The following SND1 variants were observed in gnomAD, a reference collection of about 807,000 sequenced individuals.
SND1 encodes the protein staphylococcal nuclease and tudor domain containing 1.
SND1 carries 38 observed loss-of-function variants against 121.7 expected under a neutral mutation model. The observed-to-expected ratio is 0.31, with a 90% confidence interval of 0.24 to 0.41. The LOEUF is 0.41. SND1 is among the 10% of genes least tolerant of loss of function. The probability of loss-of-function intolerance (pLI) is 1.00; values close to 1 mark genes in which losing one functional copy is unlikely to be tolerated. For synonymous variants in SND1, 401 were observed against 447.4 expected, an observed-to-expected ratio of 0.90 and a Z score of 1.31; for missense variants, 868 against 1,184.6, an observed-to-expected ratio of 0.73 and a Z score of 3.92.
intron 15 of SND1, among the ~76,000 whole-genome samples, chr7:127,978,046 A>G (rs1461199462): frequency 6.6e-6 from 1 of 152,092 alleles, no homozygotes; most frequent in Non-Finnish European, 1.5e-5. Context: ...ATGTTTGGCA[A>G]TTGGGTATAG....
At chr7:127,961,186 T>C (rs1199175517) in intron 15 of SND1, among the ~76,000 whole-genome samples, 1 of 152,250 alleles carries the variant, frequency 6.6e-6, no homozygotes, top group Non-Finnish European at 1.5e-5. Context: ...GTATAAATAA[T>C]GTAAAATATA....
chr7:127,903,056 G>T (rs1003803301), intron 13 of SND1, among the ~76,000 whole-genome samples: 7 of 151,962 alleles, frequency 4.6e-5, no homozygotes, highest in Non-Finnish European at 1.0e-4. Context: ...TAATTTTTTT[G>T]TATTTTTAGT....
In SND1 at chr7:127,652,372, A is replaced by G. The variant is rs759008424; in HGVS notation, c.-2A>G. ...CCACTCGTTGCCTTTGCATCTCCACACATGGCGTCCTCCGCGCAGAGCGGC... is the reference window on the plus strand; with the variant it reads ...CCACTCGTTGCCTTTGCATCTCCACGCATGGCGTCCTCCGCGCAGAGCGGC... On this transcript the variant is annotated 5_prime_UTR_variant, in exon 1 of 24. Transcript: ENST00000354725. 5 of 1,573,910 alleles carry G rather than the reference A, an allele frequency of 3.2e-6. No individual in the cohort carries two copies. Among genetic ancestry groups the G allele is most frequent in the Non-Finnish European group, 4.3e-6 (5 of 1,154,330 alleles).
At chr7:127,689,815 A>T (rs1186728726) in intron 2 of SND1, among the ~76,000 whole-genome samples, 1 of 151,768 alleles carries the variant, frequency 6.6e-6, no homozygotes, top group East Asian at 1.9e-4. Context: ...ATGTCTCCTC[A>T]CCCTGCTGTG....
intron 9 of SND1, chr7:127,718,559 G>C: frequency 1.0e-6 from 1 of 985,434 alleles, no homozygotes; most frequent in Non-Finnish European, 1.2e-6. Context: ...GGCAGTGGCA[G>C]AGTGCACAGT....
chr7:128,055,948 G>C (rs1471842955), intron 16 of SND1, among the ~76,000 whole-genome samples: 1 of 152,170 alleles, frequency 6.6e-6, no homozygotes, highest in African/African-American at 2.4e-5. Context: ...CAAGAGCCAG[G>C]CTCTGGAATT....
chr7:128,016,026 C>T (rs1238793092), intron 16 of SND1, among the ~76,000 whole-genome samples: 2 of 152,018 alleles, frequency 1.3e-5, no homozygotes, highest in Non-Finnish European at 2.9e-5. Context: ...GCCATACCAA[C>T]ATTTATATTA....
chr7:127,688,431 G>A (rs1377930791), intron 2 of SND1, among the ~76,000 whole-genome samples: 1 of 151,798 alleles, frequency 6.6e-6, no homozygotes, highest in East Asian at 1.9e-4. Context: ...TTCTGGGCTG[G>A]CCATGGTGGC....
At chr7:127,935,098 A>C (rs1801032716) in intron 15 of SND1, among the ~76,000 whole-genome samples, 1 of 152,204 alleles carries the variant, frequency 6.6e-6, no homozygotes, top group Non-Finnish European at 1.5e-5. Flanking sequence ...AGTCACAGGT[A>C]ACCTCTCGGT....
chr7:128,042,150 G>T (rs979571043), intron 16 of SND1, among the ~76,000 whole-genome samples: 1 of 152,100 alleles, frequency 6.6e-6, no homozygotes, highest in African/African-American at 2.4e-5. Flanking sequence ...TGTATTCAGT[G>T]CACAAACCCT....
chr7:127,872,628 G>GCGCACACA (rs375975443), intron 12 of SND1, among the ~76,000 whole-genome samples: 26 of 139,846 alleles, frequency 1.9e-4, no homozygotes, highest in African/African-American at 6.8e-4. Flanking sequence ...TAACACACAC[G>GCGCACACA]CACACACACA....
At chr7:127,810,295 G>A (rs1798312086) in intron 11 of SND1, among the ~76,000 whole-genome samples, 1 of 152,136 alleles carries the variant, frequency 6.6e-6, no homozygotes, top group South Asian at 2.1e-4. Context: ...AGTATGTGCT[G>A]GTGCTAAAGG....
intron 16 of SND1, among the ~76,000 whole-genome samples, chr7:128,051,282 T>A (rs1793042072): frequency 6.6e-6 from 1 of 152,194 alleles, no homozygotes; most frequent in African/African-American, 2.4e-5. Flanking sequence ...TGAACAAGAC[T>A]TTTTACTGTT....
intron 15 of SND1, among the ~76,000 whole-genome samples, chr7:127,936,587 G>A (rs904204761): frequency 1.3e-5 from 2 of 151,572 alleles, no homozygotes; most frequent in South Asian, 2.1e-4. Flanking sequence ...TTACTCTGTT[G>A]CCCAGGCTAC....
intron 16 of SND1, among the ~76,000 whole-genome samples, chr7:127,997,147 CT>C (rs1802680165): frequency 6.6e-6 from 1 of 152,230 alleles, no homozygotes; most frequent in South Asian, 2.1e-4. Context: ...TAACTTGCCT[CT>C]GTTCACAGAG....
In SND1 at chr7:128,081,344, CCGACTGAACAT is replaced by C. The variant is rs1793598588; in HGVS notation, c.1969-15_1969-5del. 2 of 1,613,700 alleles carry C rather than the reference CCGACTGAACAT, an allele frequency of 1.2e-6. No individual in the cohort carries two copies. Among genetic ancestry groups the C allele is most frequent in the Non-Finnish European group, 1.7e-6 (2 of 1,179,892 alleles). ...CTTCCTCGCCCTCTTCTCACCTCTGCCGACTGAACATGCAGGTCTGGGCCCACTATGAGGAG... is the reference window on the plus strand; with the variant it reads ...CTTCCTCGCCCTCTTCTCACCTCTGCGCAGGTCTGGGCCCACTATGAGGAG... On this transcript the variant is annotated splice_polypyrimidine_tract_variant and splice_region_variant and intron_variant, in intron 17 of 23. Coordinates refer to ENST00000354725, the MANE Select transcript of SND1 (RefSeq NM_014390.4).
intron 16 of SND1, among the ~76,000 whole-genome samples, chr7:128,040,523 G>A (rs1377392132): frequency 6.7e-6 from 1 of 149,960 alleles, no homozygotes; most frequent in Non-Finnish European, 1.5e-5. Context: ...TTTCTCCTGG[G>A]AATATTCTAG....
intron 16 of SND1, among the ~76,000 whole-genome samples, chr7:128,019,194 A>C (rs1166013481): frequency 6.6e-6 from 1 of 152,122 alleles, no homozygotes; most frequent in African/African-American, 2.4e-5. Context: ...TCTGCCCATG[A>C]TGGGTAGTCC....
At chr7:127,952,472 A>G (rs1428925919) in intron 15 of SND1, among the ~76,000 whole-genome samples, 1 of 152,180 alleles carries the variant, frequency 6.6e-6, no homozygotes, top group East Asian at 1.9e-4. Flanking sequence ...GAGCAGGAAA[A>G]CACAAACGTC....
Sources: allele counts gnomAD v4.1 joint callset (sites outside exome capture counted in the v4.1 genomes callset), GRCh38; gene constraint gnomAD v4.1.1; transcripts MANE v1.5; gene names NCBI Gene and HGNC (gene_info 2026-07-23, HGNC 2026-07-21).